Variants in HID1 observed in about 807,000 individuals in gnomAD.
The protein encoded by HID1 is HID1 domain containing, also known as protein HID1.
In HID1, 42 loss-of-function variants were observed where a neutral mutation model predicts 89.7. That is an observed-to-expected ratio of 0.47 (90% CI 0.37 to 0.61). The LOEUF (loss-of-function observed/expected upper bound fraction) is 0.61. HID1 is among the 20% of genes least tolerant of loss of function. HID1 has a pLI of 0.00. For missense variants in HID1, 854 were observed against 1,039.3 expected (o/e 0.82, Z 2.45); for synonymous variants, 442 against 433.8 (o/e 1.02, Z -0.24).
rs200494291 is a variant in HID1, at chr17:74,952,245, C to A, written c.2144+24G>T. 10 of 1,602,048 alleles carry A rather than the reference C, an allele frequency of 6.2e-6. No homozygotes were observed. In the Admixed American group the frequency reaches 6.7e-5, roughly 11 times the overall value. On this transcript the variant is annotated intron_variant, in intron 17 of 18. Coordinates refer to ENST00000425042, the MANE Select transcript of HID1 (RefSeq NM_030630.3). ...CAACCCCGGCCCCGCCCACAACCCC[C>A]GGCCCTGCCGGCGCCCGACTCACTT...
chr17:74,957,357 T>A (rs1003057184), intron 12 of HID1, among the ~76,000 whole-genome samples: 1 of 149,948 alleles, frequency 6.7e-6, no homozygotes, highest in Non-Finnish European at 1.5e-5. Context: ...TGGTGGCACA[T>A]GCTGTGATCC....
chr17:74,952,024 C>A lies in HID1; in HGVS notation c.2184G>T (p.Gln728His). Residue 728 changes from glutamine to histidine, a missense_variant, in exon 18 of 19, where the codon CAG (glutamine) becomes CAT (histidine). Transcript: ENST00000425042. Reference protein sequence around the residue: ...TDESEILRFLQHGTLVGLLPV... With the variant: ...TDESEILRFLHHGTLVGLLPV... ...GCAGCAGCCCCACCAGGGTGCCATGCTGCAGGAACCGCAGGATCTCAGACT... is the reference window on the plus strand; with the variant it reads ...GCAGCAGCCCCACCAGGGTGCCATGATGCAGGAACCGCAGGATCTCAGACT... 1 of 1,559,196 alleles carries A rather than the reference C, an allele frequency of 6.4e-7. No homozygotes were observed.
chr17:74,954,778 A>G (rs75003463), intron 13 of HID1: 51,987 of 244,474 alleles, frequency 0.21, 6,095 homozygotes, highest in South Asian at 0.28. Flanking sequence ...CCATCCCCCA[A>G]CGCTGACTTC....
chr17:74,958,767 G>C lies in HID1; in HGVS notation c.1150-4C>G. 6.2e-7 allele frequency: 1 copy of C among 1,612,970 alleles called. No homozygotes were observed. The highest frequency in any genetic ancestry group is 8.5e-7 in the Non-Finnish European group (1 of 1,179,602). On this transcript the variant is annotated splice_region_variant and splice_polypyrimidine_tract_variant and intron_variant, in intron 9 of 18. Transcript: ENST00000425042. The surrounding 1 kb of genome is among the most constrained non-coding windows in gnomAD (Gnocchi z 5.2). ...TCAGCACGAAGAAGAGGAATTTCTA[G>C]GGGTGCGGGGAGGGGCCAAGTGGGC...
intron 6 of HID1, 190 bp downstream of exon 6, chr17:74,961,683 C>T: frequency 2.7e-6 from 1 of 367,446 alleles, no homozygotes; most frequent in Non-Finnish European, 4.9e-6. Context: ...GAGGGGCCCC[C>T]AGATTCTGTC....
chr17:74,967,643 A>C (rs1177715427), intron 1 of HID1, among the ~76,000 whole-genome samples: 1 of 152,184 alleles, frequency 6.6e-6, no homozygotes, highest in Non-Finnish European at 1.5e-5. Context: ...TGAGCCCAGG[A>C]GTTTGAGACC....
rs2039444983 is a variant in HID1, at chr17:74,959,380, T to C, written c.1009-329A>G. Among the ~76,000 whole-genome samples, 1 of 152,126 alleles carries C rather than the reference T, an allele frequency of 6.6e-6. No homozygotes were observed. Among genetic ancestry groups the C allele is most frequent in the Non-Finnish European group, 1.5e-5 (1 of 68,026 alleles). Reference sequence around the variant, plus strand: ...CTTGTCCCTGCCCACCTTGGACTCATGGTTGGCAGGTTCCATCCTTCTACC... The same window carrying C: ...CTTGTCCCTGCCCACCTTGGACTCACGGTTGGCAGGTTCCATCCTTCTACC... On this transcript the variant is annotated intron_variant, in intron 8 of 18. Coordinates refer to ENST00000425042, the MANE Select transcript of HID1 (RefSeq NM_030630.3). This position sits in a 1 kb window ranked among gnomAD's most constrained non-coding sequence, Gnocchi z 4.6.
Position 74,961,901 on chromosome 17 carries a change from C to T in HID1, c.700G>A (p.Val234Ile), listed in dbSNP as rs751158864. The T allele has an allele frequency of 1.3e-6, 2 of 1,597,836 alleles. No individual in the cohort carries two copies. The highest frequency in any genetic ancestry group is 1.7e-6 in the Non-Finnish European group (2 of 1,172,500). ...TTCTCCGTGGAACAAAAGAACTGAA[C>T]CCATGGGTTGGTGCTGCCACTTTCC... Reference protein sequence around the residue: ...APESGSTNPWVQFFCSTENRH... With the variant: ...APESGSTNPWIQFFCSTENRH... Residue 234 changes from valine (V) to isoleucine (I), a missense_variant, in exon 6 of 19, where the codon GTT (valine) becomes ATT (isoleucine). Val to Ile is a conservative substitution (Grantham distance 29). Coordinates refer to ENST00000425042, the MANE Select transcript of HID1 (RefSeq NM_030630.3).
chr17:74,954,031 T>C, intron 14 of HID1, 107 bp downstream of exon 14: 1 of 1,109,360 alleles, frequency 9.0e-7, no homozygotes, highest in South Asian at 1.3e-5. Flanking sequence ...TCGGCTTCCA[T>C]ACATAAGCCA....
Position 74,962,970 on chromosome 17 carries a change from T to A in HID1, c.499A>T (p.Thr167Ser). The A allele has an allele frequency of 6.2e-7, 1 of 1,610,220 alleles. No individual in the cohort carries two copies. The highest frequency in any genetic ancestry group is 8.5e-7 in the Non-Finnish European group (1 of 1,177,220). Reference sequence around the variant, plus strand: ...GGGGGCTGGGGGACACTCACCACAGTGCTCCTCCGGTGGCTCTGAACCGTG... The same window carrying A: ...GGGGGCTGGGGGACACTCACCACAGAGCTCCTCCGGTGGCTCTGAACCGTG... ...DFTVQSHRRS[T>S]VDSAEDVHSL... is the part of the protein sequence containing the mutation. Residue 167 changes from threonine to serine, a missense_variant, in exon 4 of 19, where the codon ACT (threonine) becomes TCT (serine). Coordinates refer to ENST00000425042, the MANE Select transcript of HID1 (RefSeq NM_030630.3). This position sits in a 1 kb window ranked among gnomAD's most constrained non-coding sequence, Gnocchi z 4.3.
chr17:74,971,955 G>A (rs2039653707), intron 1 of HID1, among the ~76,000 whole-genome samples: 1 of 152,166 alleles, frequency 6.6e-6, no homozygotes, highest in African/African-American at 2.4e-5. Flanking sequence ...GGCCCCTGGA[G>A]AGGTCCCCAG....
chr17:74,960,633 G>C (rs984893199), intron 6 of HID1, among the ~76,000 whole-genome samples: 26 of 152,254 alleles, frequency 1.7e-4, no homozygotes, highest in African/African-American at 5.8e-4. Flanking sequence ...GAGACCCAGA[G>C]AGGTTAAGTG....
Position 74,951,399 on chromosome 17 carries a change from C to T in HID1, c.*171G>A, listed in dbSNP as rs898804098. On this transcript the variant is annotated 3_prime_UTR_variant, in exon 19 of 19. Coordinates refer to ENST00000425042, the MANE Select transcript of HID1 (RefSeq NM_030630.3). ...GCCTAGGGGTTGAGGGGGATCTGAG[C>T]CAGTTCACATTGTCCTGGCCACAGG... 3.1e-6 allele frequency: 2 copies of T among 643,474 alleles called. No individual in the cohort carries two copies. The highest frequency in any genetic ancestry group is 2.8e-5 in the East Asian group (1 of 36,360). The allele number at this position is 643,474 out of a possible 1,614,324, so 39.9% of individuals were successfully genotyped here.
chr17:74,964,054 A>G, intron 2 of HID1, 144 bp from the exon 3 acceptor site: 1 of 803,656 alleles, frequency 1.2e-6, no homozygotes, highest in Non-Finnish European at 2.0e-6. Flanking sequence ...GGCCACAGGC[A>G]GAGGAGCCAC....
Position 74,958,760 on chromosome 17 carries a change from A to T in HID1, c.1153T>A (p.Phe385Ile). ...FWKLCDFNKK[F>I]LFFVLKSSDV... The stretch of plus-strand genomic sequence containing the variant: ...CTGCTCTTCAGCACGAAGAAGAGGA[A>T]TTTCTAGGGGTGCGGGGAGGGGCCA... Residue 385 changes from phenylalanine to isoleucine, a missense_variant, in exon 10 of 19, where the codon TTC (phenylalanine) becomes ATC (isoleucine). Transcript: ENST00000425042. This position sits in a 1 kb window ranked among gnomAD's most constrained non-coding sequence, Gnocchi z 5.2. 1 of 1,613,138 alleles carries T rather than the reference A, an allele frequency of 6.2e-7. No individual in the cohort carries two copies. The highest frequency in any genetic ancestry group is 1.3e-5 in the African/African-American group (1 of 74,762).
At position 74,954,296 on chromosome 17, in the gene HID1, G is replaced by C; in HGVS notation, c.1706C>G (p.Thr569Arg). 1.3e-6 allele frequency: 2 copies of C among 1,587,818 alleles called. No homozygotes were observed. The highest frequency in any genetic ancestry group is 1.7e-6 in the Non-Finnish European group (2 of 1,167,886). Residue 569 changes from threonine to arginine, a missense_variant, in exon 14 of 19, where the codon ACG (threonine) becomes AGG (arginine). By Grantham distance (71) the Thr-to-Arg change is moderately conservative. Transcript: ENST00000425042. ...GGCCTTGTGAATGGTGGGCGGGTCC[G>C]TGGGCAGGTTGGCCAGCTGGTGGAA... ...SIFHQLANLP[T>R]DPPTIHKALQ...
At chr17:74,965,342 C>T (rs1001962439) in intron 1 of HID1, among the ~76,000 whole-genome samples, 32 of 152,252 alleles carry the variant, frequency 2.1e-4, no homozygotes, top group Non-Finnish European at 4.4e-5. Flanking sequence ...TGCTTCCTCA[C>T]CCAGAGCCCT....
At chr17:74,956,731 C>T (rs1205915429) in intron 12 of HID1, among the ~76,000 whole-genome samples, 3 of 152,232 alleles carry the variant, frequency 2.0e-5, no homozygotes, top group African/African-American at 4.8e-5. Flanking sequence ...CAACCATCCT[C>T]TCCAAAAGAT....
In HID1 at chr17:74,964,522, C is replaced by T; in HGVS notation, c.177G>A (p.Arg59=). ...TGGCCAAGTTGGAGGGTGACTCTTC[C>T]CGCACGGCCCGGATCTCTGCTGCCG... The part of the protein sequence containing the change: ...LVPAAEIRAV[R]EESPSNLATL... The change falls in exon 2 of 19, where the codon CGG becomes CGA. Residue 59 remains arginine (R), a synonymous_variant. Coordinates refer to ENST00000425042, the MANE Select transcript of HID1 (RefSeq NM_030630.3). 1 of 1,609,858 alleles carries T rather than the reference C, an allele frequency of 6.2e-7. No homozygotes were observed.
Sources: gnomAD v4.1 joint callset for allele counts (sites outside exome capture counted in the v4.1 genomes callset) on GRCh38, gnomAD v4.1.1 for gene constraint, Gnocchi (gnomAD v3.1) non-coding constraint, MANE v1.5 for transcripts, NCBI Gene and HGNC (gene_info 2026-07-23, HGNC 2026-07-21) for gene names.